ZMAT4: variants seen among roughly 807,000 people sequenced by gnomAD.
The protein encoded by ZMAT4 is zinc finger matrin-type protein 4.
A neutral mutation model predicts 28.7 loss-of-function variants in ZMAT4; 17 were observed. The observed-to-expected ratio is 0.59, with a 90% CI of 0.41 to 0.89. ZMAT4 has a LOEUF of 0.89. Among genes scored for constraint, ZMAT4 ranks in the 40% least tolerant of loss-of-function variants. The pLI is 0.00. For synonymous variants in ZMAT4, 117 were observed against 109.2 expected (o/e 1.07, Z -0.44); for missense variants, 240 against 283.8 (o/e 0.85, Z 1.11).
intron 6 of ZMAT4, among the ~76,000 whole-genome samples, chr8:40,556,764 T>C (rs1411580354): frequency 1.3e-5 from 2 of 152,186 alleles, no homozygotes; most frequent in Admixed American, 6.5e-5. Flanking sequence ...ATGTGTAAAA[T>C]GTGTAATGAT....
intron 5 of ZMAT4, among the ~76,000 whole-genome samples, chr8:40,594,018 C>T (rs182188920): frequency 1.3e-5 from 2 of 152,298 alleles, no homozygotes; most frequent in Middle Eastern, 6.8e-3. Context: ...GAAGAAAACA[C>T]CTTTAAAGAT....
intron 5 of ZMAT4, among the ~76,000 whole-genome samples, chr8:40,596,312 A>G (rs1805102041): frequency 6.6e-6 from 1 of 152,150 alleles, no homozygotes; most frequent in Admixed American, 6.5e-5. Flanking sequence ...TATAAAAACT[A>G]TTTTTGCTTC....
intron 6 of ZMAT4, among the ~76,000 whole-genome samples, chr8:40,580,295 A>G (rs555351723): frequency 6.6e-6 from 1 of 152,054 alleles, no homozygotes; most frequent in African/African-American, 2.4e-5. Context: ...TACAGGCATG[A>G]GCCACCGCAC....
At chr8:40,653,095 A>G (rs538832493) in intron 5 of ZMAT4, among the ~76,000 whole-genome samples, 1 of 151,214 alleles carries the variant, frequency 6.6e-6, no homozygotes, top group African/African-American at 2.5e-5. Flanking sequence ...ATAATAATAA[A>G]AAAGAAATTT....
intron 3 of ZMAT4, among the ~76,000 whole-genome samples, chr8:40,764,552 C>G (rs201935981): frequency 6.6e-6 from 1 of 151,888 alleles, no homozygotes; most frequent in African/African-American, 2.4e-5. Flanking sequence ...TCTCTGTTTA[C>G]AAAGCCATAC....
At chr8:40,846,726 A>G (rs1586159933) in intron 1 of ZMAT4, among the ~76,000 whole-genome samples, 1 of 152,090 alleles carries the variant, frequency 6.6e-6, no homozygotes, top group Admixed American at 6.6e-5. Context: ...GGCAGGGCAG[A>G]CCCGCACAGC....
intron 5 of ZMAT4, among the ~76,000 whole-genome samples, chr8:40,651,411 C>G (rs915803289): frequency 6.6e-6 from 1 of 151,706 alleles, no homozygotes; most frequent in Non-Finnish European, 1.5e-5. Flanking sequence ...CAAACCACTG[C>G]TCAAGGAAAT....
At chr8:40,701,664 C>T (rs117308077) in intron 3 of ZMAT4, among the ~76,000 whole-genome samples, 6,865 of 151,632 alleles carry the variant, frequency 0.045, 284 homozygotes, top group East Asian at 0.24. Flanking sequence ...ATTACAGGTG[C>T]ACACCCTATG....
chr8:40,694,489 T>C (rs1466330142), intron 4 of ZMAT4, among the ~76,000 whole-genome samples: 1 of 152,116 alleles, frequency 6.6e-6, no homozygotes, highest in Non-Finnish European at 1.5e-5. Context: ...CAGCAGGCCT[T>C]GCTACCATCT....
intron 2 of ZMAT4, among the ~76,000 whole-genome samples, chr8:40,817,843 C>A (rs1161963291): frequency 6.6e-6 from 1 of 152,204 alleles, no homozygotes; most frequent in African/African-American, 2.4e-5. Context: ...GCCAGAAGGG[C>A]AGACCATGAT....
intron 6 of ZMAT4, among the ~76,000 whole-genome samples, chr8:40,541,084 G>T (rs1017639242): frequency 2.0e-5 from 3 of 152,184 alleles, no homozygotes; most frequent in African/African-American, 7.2e-5. Flanking sequence ...TCACAGGGCT[G>T]CTTTGAAGAT....
intron 2 of ZMAT4, among the ~76,000 whole-genome samples, chr8:40,814,938 C>T (rs1815471205): frequency 6.6e-6 from 1 of 152,196 alleles, no homozygotes; most frequent in African/African-American, 2.4e-5. Flanking sequence ...ATATCTACAT[C>T]TAATACAATC....
At position 40,582,381 on chromosome 8, in the gene ZMAT4, T is replaced by C. The variant is rs984118398; in HGVS notation, c.578-1120A>G. ...CAGGCATGGTGGCACACACCTGTAGTCCTAGCTACTCAGGAGGCTGAGAGC... is the reference window on the plus strand; with the variant it reads ...CAGGCATGGTGGCACACACCTGTAGCCCTAGCTACTCAGGAGGCTGAGAGC... On this transcript the variant is annotated intron_variant, in intron 5 of 6. Coordinates refer to ENST00000297737, the MANE Select transcript of ZMAT4 (RefSeq NM_024645.3). Among the ~76,000 whole-genome samples the C allele has an allele frequency of 2.3e-4, 35 of 152,136 alleles. 1 individual carries two copies. The highest frequency in any genetic ancestry group is 8.5e-4 in the African/African-American group (35 of 41,412).
chr8:40,761,767 A>C (rs1024181050), intron 3 of ZMAT4, among the ~76,000 whole-genome samples: 1 of 152,230 alleles, frequency 6.6e-6, no homozygotes, highest in Non-Finnish European at 1.5e-5. Context: ...CTCCACAAGA[A>C]AGAAGAAAAA....
At chr8:40,750,321 G>A (rs933926209) in intron 3 of ZMAT4, among the ~76,000 whole-genome samples, 1 of 152,140 alleles carries the variant, frequency 6.6e-6, no homozygotes, top group Non-Finnish European at 1.5e-5. Flanking sequence ...TTTAGGCATG[G>A]GGAATGCCCA....
At chr8:40,773,104 GATTCCCTCTAACGA>G (rs554661542) in intron 2 of ZMAT4, among the ~76,000 whole-genome samples, 1 of 152,306 alleles carries the variant, frequency 6.6e-6, no homozygotes, top group South Asian at 2.1e-4. Flanking sequence ...AAGTGCTGGG[GATTCCCTCTAACGA>G]ATGGAACTCT....
At chr8:40,639,960 T>G (rs1013567355) in intron 5 of ZMAT4, among the ~76,000 whole-genome samples, 1 of 152,182 alleles carries the variant, frequency 6.6e-6, no homozygotes, top group Non-Finnish European at 1.5e-5. Flanking sequence ...CTTTCTTTTT[T>G]AAACTTTTAT....
intron 1 of ZMAT4, among the ~76,000 whole-genome samples, chr8:40,858,273 A>T (rs2150641988): frequency 6.6e-6 from 1 of 152,322 alleles, no homozygotes; most frequent in Non-Finnish European, 1.5e-5. Context: ...AATGGGGGTG[A>T]GGCGGTGCTC....
chr8:40,587,109 TA>T (rs1487522992), intron 5 of ZMAT4, among the ~76,000 whole-genome samples: 4 of 122,774 alleles, frequency 3.3e-5, no homozygotes, highest in African/African-American at 1.2e-4. Context: ...CAAAAAGTGA[TA>T]AAAGAAAAAA....
Sources: allele counts gnomAD v4.1 joint callset (sites outside exome capture counted in the v4.1 genomes callset), GRCh38; gene constraint gnomAD v4.1.1; transcripts MANE v1.5; gene names NCBI Gene and HGNC (gene_info 2026-07-23, HGNC 2026-07-21).